Variants in CD1D observed in about 807,000 individuals in gnomAD.
The protein encoded by CD1D is antigen-presenting glycoprotein CD1d.
A neutral mutation model predicts 42.1 loss-of-function variants in CD1D; 40 were observed. The observed-to-expected ratio is 0.95, with a 90% CI of 0.74 to 1.24. The LOEUF (loss-of-function observed/expected upper bound fraction) is 1.24, where lower values mean the gene tolerates loss of function less well. Ranked by LOEUF, CD1D falls within the 50% of genes most tolerant of loss-of-function variation. CD1D has a pLI of 0.00. For synonymous variants in CD1D, 178 were observed against 171.8 expected (o/e 1.04, Z -0.28); for missense variants, 437 against 416.5 (o/e 1.05, Z -0.43).
chr1:158,184,164 A>G lies in CD1D; in HGVS notation c.*14A>G, dbSNP rs759408606. 6 of 1,613,884 alleles carry G rather than the reference A, an allele frequency of 3.7e-6. No individual in the cohort carries two copies. The East Asian group carries it at 1.3e-4, about 36-fold the overall frequency. The stretch of plus-strand genomic sequence containing the variant: ...GGCGTCCTGTGACTCGCCTTGCCAC[A>G]TCTGTGTCTCTGGAACCCAGGACCT... On this transcript the variant is annotated 3_prime_UTR_variant, in exon 6 of 6. Transcript: ENST00000674085.
upstream of CD1D, among the ~76,000 whole-genome samples, chr1:158,178,982 C>G (rs1648270703): frequency 6.6e-6 from 1 of 151,852 alleles, no homozygotes; most frequent in Admixed American, 6.6e-5. Flanking sequence ...TATAGCCTGG[C>G]CTCTGTTGAT....
rs1333067532 is a variant in CD1D, at chr1:158,183,153, T to C, written c.883T>C (p.Trp295Arg). ...SLEGQDIVLY[W>R]GGSYTSMGLI... ...AGAGGGCCAGGACATCGTCCTCTAC[T>C]GGGGTGAGAAAAAGCTGGGCCCAAG... The change falls in exon 4 of 6, where the codon TGG becomes CGG. Residue 295 changes from tryptophan (W) to arginine (R), a missense_variant. By Grantham distance (101) the Trp-to-Arg change is moderately radical. Coordinates refer to ENST00000674085, the MANE Select transcript of CD1D (RefSeq NM_001371762.2). The C allele has an allele frequency of 6.3e-7, 1 of 1,594,806 alleles. No individual in the cohort carries two copies. The highest frequency in any genetic ancestry group is 8.6e-7 in the Non-Finnish European group (1 of 1,167,208).
chr1:158,179,864 T>A (rs1648312305), upstream of CD1D: 1 of 152,058 alleles, frequency 6.6e-6, no homozygotes, highest in Non-Finnish European at 1.5e-5. Context: ...ACAGAGCAAA[T>A]GATGCTGGGG....
At chr1:158,181,195 C>A in intron 1 of CD1D, 33 bp downstream of exon 1, 2 of 1,545,034 alleles carry the variant, frequency 1.3e-6, no homozygotes, top group South Asian at 1.2e-5. Flanking sequence ...AGTGCACTCG[C>A]GGGAGGGCGG....
In CD1D at chr1:158,185,135, A is replaced by G. The variant is rs1442037038; in HGVS notation, c.*985A>G. Among the ~76,000 whole-genome samples, 2 of 152,200 alleles carry G rather than the reference A, an allele frequency of 1.3e-5. No individual in the cohort carries two copies. Among genetic ancestry groups the G allele is most frequent in the Non-Finnish European group, 2.9e-5 (2 of 68,028 alleles). ...CGATGATGGTGATGGTAGCCCAGCC[A>G]TGCTGTGTTCTTATCTTAGAGAGGA... On this transcript the variant is annotated 3_prime_UTR_variant, in exon 6 of 6. Transcript: ENST00000674085.
rs1339776396 is a variant in CD1D, at chr1:158,181,981, T to C, written c.329-51T>C. ...GCACATCAATTTCTTCTCTTTCATCTCTCCCAGTCTTTTAAACCCTTCTTT... is the reference window on the plus strand; with the variant it reads ...GCACATCAATTTCTTCTCTTTCATCCCTCCCAGTCTTTTAAACCCTTCTTT... On this transcript the variant is annotated intron_variant, in intron 2 of 5. Transcript: ENST00000674085. 5 of 1,531,784 alleles carry C rather than the reference T, an allele frequency of 3.3e-6. No homozygotes were observed. The African/African-American group carries it at 7.0e-5, about 21-fold the overall frequency. The allele number at this position is 1,531,784 out of a possible 1,614,324, so 94.9% of individuals were successfully genotyped here.
rs1648625326 is a variant in CD1D, at chr1:158,184,542, T to A, written c.*392T>A. 4.8e-6 allele frequency: 1 copy of A among 208,392 alleles called. No individual in the cohort carries two copies. Among genetic ancestry groups the A allele is most frequent in the Non-Finnish European group, 9.6e-6 (1 of 103,798 alleles). The allele number at this position is 208,392 out of a possible 1,614,324, so 12.9% of individuals were successfully genotyped here. A position where few individuals can be genotyped will look rare whatever the true frequency, so the allele number is the denominator to read the frequency against. On this transcript the variant is annotated 3_prime_UTR_variant, in exon 6 of 6. Transcript: ENST00000674085. ...AGGAATCAGCTGCAGCTGCTTGTTGTCAAGTATAAAGTCAGGACCTGGCTT... is the reference window on the plus strand; with the variant it reads ...AGGAATCAGCTGCAGCTGCTTGTTGACAAGTATAAAGTCAGGACCTGGCTT...
At chr1:158,183,696 A>C (rs1648567865) in intron 4 of CD1D, among the ~76,000 whole-genome samples, 1 of 152,232 alleles carries the variant, frequency 6.6e-6, no homozygotes, top group African/African-American at 2.4e-5. Flanking sequence ...GCCTTGCTAC[A>C]AAGCTGTTGC....
chr1:158,182,820 G>A (rs1020259628), intron 3 of CD1D, 58 bp from the exon 4 acceptor site: 1 of 1,528,510 alleles, frequency 6.5e-7, no homozygotes, highest in Admixed American at 2.0e-5. Flanking sequence ...ATGAGGCCTG[G>A]AGCCTCTAAT....
In CD1D at chr1:158,181,730, A is replaced by C; in HGVS notation, c.328+9A>C. The stretch of plus-strand genomic sequence containing the variant: ...AATGCTACGCTTATCCTGTGAGCTG[A>C]GGGATAGGATCCTGGGCCGGTACCC... On this transcript the variant is annotated intron_variant, in intron 2 of 5. Coordinates refer to ENST00000674085, the MANE Select transcript of CD1D (RefSeq NM_001371762.2). 1 of 1,605,900 alleles carries C rather than the reference A, an allele frequency of 6.2e-7. No homozygotes were observed. The highest frequency in any genetic ancestry group is 2.2e-5 in the East Asian group (1 of 44,860).
chr1:158,183,877 T>C, intron 4 of CD1D, 59 bp from the exon 5 acceptor site: 1 of 1,313,274 alleles, frequency 7.6e-7, no homozygotes, highest in Non-Finnish European at 1.1e-6. Context: ...GACCAGGGGA[T>C]TGGATATATG....
At chr1:158,182,449 T>G (rs764048953) in intron 3 of CD1D, 139 bp downstream of exon 3, 2 of 915,464 alleles carry the variant, frequency 2.2e-6, no homozygotes, top group Non-Finnish European at 3.5e-6. Context: ...GGGTATTTAT[T>G]CATTTCACAG....
In CD1D at chr1:158,184,131, C is replaced by T. The variant is rs1453004060; in HGVS notation, c.989C>T (p.Ser330Phe). ...TTTCCCTTTCTATTCTCTCACAGTTCCTATCAGGGCGTCCTGTGACTCGCC... is the reference window on the plus strand; with the variant it reads ...TTTCCCTTTCTATTCTCTCACAGTTTCTATCAGGGCGTCCTGTGACTCGCC... The part of the protein sequence containing the change: ...GFTSRFKRQT[S>F]YQGVL Residue 330 changes from serine (S) to phenylalanine (F), a missense_variant and splice_region_variant, in exon 6 of 6, where the codon TCC becomes TTC. Ser to Phe is a radical substitution (Grantham distance 155). Coordinates refer to ENST00000674085, the MANE Select transcript of CD1D (RefSeq NM_001371762.2). 1 of 1,614,124 alleles carries T rather than the reference C, an allele frequency of 6.2e-7. No homozygotes were observed. Among genetic ancestry groups the T allele is most frequent in the Admixed American group, 1.7e-5 (1 of 60,022 alleles).
rs1192929853 is a variant in CD1D at position 158,182,325 on chromosome 1, C to T, written c.607+15C>T. ...GAAGAAGCAAGGTCAGCCTGCCTTCCTTACTCCCTGCATTCCACTTCAGGG... is the reference window on the plus strand; with the variant it reads ...GAAGAAGCAAGGTCAGCCTGCCTTCTTTACTCCCTGCATTCCACTTCAGGG... On this transcript the variant is annotated intron_variant, in intron 3 of 5. Coordinates refer to ENST00000674085, the MANE Select transcript of CD1D (RefSeq NM_001371762.2). 6.2e-7 allele frequency: 1 copy of T among 1,613,914 alleles called. No homozygotes were observed. The highest frequency in any genetic ancestry group is 8.5e-7 in the Non-Finnish European group (1 of 1,179,916).
At position 158,183,148 on chromosome 1, in the gene CD1D, T is replaced by G. The variant is rs145809444; in HGVS notation, c.878T>G (p.Leu293Arg). The change falls in exon 4 of 6, where the codon CTC becomes CGC. Residue 293 changes from leucine (L) to arginine (R), a missense_variant. Leu to Arg is a moderately radical substitution (Grantham distance 102, BLOSUM62 -2). Coordinates refer to ENST00000674085, the MANE Select transcript of CD1D (RefSeq NM_001371762.2). ...HSSLEGQDIV[L>R]YWGGSYTSMG... ...AGTCTAGAGGGCCAGGACATCGTCC[T>G]CTACTGGGGTGAGAAAAAGCTGGGC... 6.3e-7 allele frequency: 1 copy of G among 1,596,066 alleles called. No homozygotes were observed. The highest frequency in any genetic ancestry group is 1.3e-5 in the African/African-American group (1 of 74,566).
Position 158,184,509 on chromosome 1 carries a change from C to CCTG in CD1D, c.*359_*360insCTG. ...TGTAAGGAACTGGAACACACATGTC[C>CCTG]TATCCAAAGGAATCAGCTGCAGCTG... is the stretch of plus-strand genomic sequence containing the variant. On this transcript the variant is annotated 3_prime_UTR_variant, in exon 6 of 6. Coordinates refer to ENST00000674085, the MANE Select transcript of CD1D (RefSeq NM_001371762.2). 1 of 261,528 alleles carries CCTG rather than the reference C, an allele frequency of 3.8e-6. No homozygotes were observed. Among genetic ancestry groups the CCTG allele is most frequent in the Non-Finnish European group, 7.2e-6 (1 of 138,018 alleles). The allele number at this position is 261,528 out of a possible 1,614,324, so 16.2% of individuals were successfully genotyped here. A position where few individuals can be genotyped will look rare whatever the true frequency, so the allele number is the denominator to read the frequency against.
intron 1 of CD1D, 37 bp downstream of exon 1, chr1:158,181,199 A>G (rs1276528017): frequency 1.3e-6 from 2 of 1,546,194 alleles, no homozygotes; most frequent in African/African-American, 2.7e-5. Context: ...CACTCGCGGG[A>G]GGGCGGAGAG....
At chr1:158,181,890 C>T in intron 2 of CD1D, 142 bp from the exon 3 acceptor site, 1 of 1,339,948 alleles carries the variant, frequency 7.5e-7, no homozygotes, top group Non-Finnish European at 1.0e-6. Flanking sequence ...CAAAGTGTCC[C>T]TCGTTCCTGC....
chr1:158,185,759 C>T lies in CD1D; in HGVS notation c.*1609C>T, dbSNP rs1648680402. 6.6e-6 allele frequency among the ~76,000 whole-genome samples: 1 copy of T among 152,144 alleles called. No individual in the cohort carries two copies. Among genetic ancestry groups the T allele is most frequent in the South Asian group, 2.1e-4 (1 of 4,830 alleles). On this transcript the variant is annotated 3_prime_UTR_variant, in exon 6 of 6. Transcript: ENST00000674085. ...AACCTGACCAACAGCCTCAGCAGGA[C>T]CTGGGAACTTGTTATAAATGCAAAT...
Sources: allele counts gnomAD v4.1 joint callset (sites outside exome capture counted in the v4.1 genomes callset), GRCh38; gene constraint gnomAD v4.1.1; transcripts MANE v1.5; gene names NCBI Gene and HGNC (gene_info 2026-07-23, HGNC 2026-07-21).